Variants in FBXL13 observed in about 807,000 individuals in gnomAD.
FBXL13 encodes F-box and leucine-rich repeat protein 13.
A neutral mutation model predicts 83.6 loss-of-function variants in FBXL13; 67 were observed. The observed-to-expected ratio is 0.80, with a 90% CI of 0.66 to 0.98. FBXL13 has a LOEUF of 0.98. FBXL13 is among the 50% of genes least tolerant of loss of function. FBXL13 has a pLI of 0.00. For missense variants in FBXL13, 822 were observed against 866.5 expected (o/e 0.95, Z 0.64); for synonymous variants, 272 against 299.5 (o/e 0.91, Z 0.95).
intron 16 of FBXL13, among the ~76,000 whole-genome samples, chr7:102,866,497 T>C (rs1196076683): frequency 6.6e-6 from 1 of 152,202 alleles, no homozygotes; most frequent in African/African-American, 2.4e-5. Flanking sequence ...TGTTATGTGC[T>C]TTTTGAAAAT....
At chr7:102,937,807 T>A (rs1312828586) in intron 8 of FBXL13, among the ~76,000 whole-genome samples, 2 of 152,166 alleles carry the variant, frequency 1.3e-5, no homozygotes, top group Non-Finnish European at 2.9e-5. Flanking sequence ...AAGTTAAAAA[T>A]CATGGCTAGA....
intron 2 of FBXL13, among the ~76,000 whole-genome samples, chr7:103,046,513 T>C (rs1796297341): frequency 6.6e-6 from 1 of 152,218 alleles, no homozygotes; most frequent in South Asian, 2.1e-4. Flanking sequence ...TGAGGCGACA[T>C]ATATACCATT....
chr7:103,043,191 A>AT (rs1348895010), intron 2 of FBXL13, among the ~76,000 whole-genome samples: 5 of 152,238 alleles, frequency 3.3e-5, no homozygotes, highest in African/African-American at 1.2e-4. Flanking sequence ...AAAAGAAGAC[A>AT]TTTATGCAGC....
intron 2 of FBXL13, among the ~76,000 whole-genome samples, chr7:103,051,557 C>G (rs1796817974): frequency 6.6e-6 from 1 of 152,164 alleles, no homozygotes; most frequent in Non-Finnish European, 1.5e-5. Flanking sequence ...GTTCACTCAA[C>G]GCTCCTGGGG....
chr7:102,926,616 T>C (rs1818191827), intron 9 of FBXL13, among the ~76,000 whole-genome samples: 1 of 152,200 alleles, frequency 6.6e-6, no homozygotes, highest in Admixed American at 6.5e-5. Context: ...TCCATCACAA[T>C]GACACTTCAT....
At chr7:102,913,020 G>T in intron 11 of FBXL13, 66 bp downstream of exon 12, 2 of 1,607,456 alleles carry the variant, frequency 1.2e-6, no homozygotes. Context: ...CGTGAGGGCT[G>T]AATGCAGCCC....
intron 2 of FBXL13, among the ~76,000 whole-genome samples, chr7:103,047,546 TTTAA>T (rs1238225228): frequency 1.3e-5 from 2 of 152,208 alleles, no homozygotes; most frequent in Non-Finnish European, 2.9e-5. Flanking sequence ...TTTCTTGGTA[TTTAA>T]TTAATTTTTT....
chr7:102,953,647 T>C (rs1243729236), intron 8 of FBXL13, among the ~76,000 whole-genome samples: 2 of 152,220 alleles, frequency 1.3e-5, no homozygotes, highest in Non-Finnish European at 2.9e-5. Context: ...CACTGAATTG[T>C]ACTCTTTAAA....
At chr7:103,059,523 A>G (rs1797653915) in intron 1 of FBXL13, among the ~76,000 whole-genome samples, 1 of 152,212 alleles carries the variant, frequency 6.6e-6, no homozygotes, top group Admixed American at 6.5e-5. Context: ...TTGACTCTCA[A>G]AAACATTAAT....
chr7:102,842,850 C>A (rs997697491), intron 17 of FBXL13, among the ~76,000 whole-genome samples: 1 of 152,228 alleles, frequency 6.6e-6, no homozygotes, highest in Non-Finnish European at 1.5e-5. Context: ...TCAGTTTCTA[C>A]TTAGACTATG....
intron 16 of FBXL13, among the ~76,000 whole-genome samples, chr7:102,864,206 T>C (rs1354612192): frequency 6.6e-6 from 1 of 152,152 alleles, no homozygotes; most frequent in Non-Finnish European, 1.5e-5. Context: ...ATCCCCTCTC[T>C]TCTCTGGCCA....
At chr7:102,844,411 T>C (rs1311621673) in intron 17 of FBXL13, among the ~76,000 whole-genome samples, 1 of 152,074 alleles carries the variant, frequency 6.6e-6, no homozygotes, top group Non-Finnish European at 1.5e-5. Context: ...TTCAAATTAC[T>C]TGTAGGTAGA....
chr7:103,048,415 T>G (rs1796493978), intron 2 of FBXL13, among the ~76,000 whole-genome samples: 2 of 150,408 alleles, frequency 1.3e-5, no homozygotes, highest in Admixed American at 1.3e-4. Context: ...TTTTTTTTGA[T>G]AGTGTATTTA....
exon 6 of FBXL13, chr7:103,025,112 T>C: frequency 6.2e-7 from 1 of 1,612,720 alleles, no homozygotes; most frequent in Non-Finnish European, 8.5e-7. Context: ...TTTTAGAGTC[T>C]CATCTACAAG....
intron 6 of FBXL13, among the ~76,000 whole-genome samples, chr7:103,000,140 T>A (rs1790240894): frequency 6.6e-6 from 1 of 152,318 alleles, no homozygotes; most frequent in East Asian, 1.9e-4. Flanking sequence ...AAAATTTTCA[T>A]CTTAATTTCT....
intron 6 of FBXL13, among the ~76,000 whole-genome samples, chr7:102,979,937 A>G (rs1827977869): frequency 6.6e-6 from 1 of 152,236 alleles, no homozygotes; most frequent in African/African-American, 2.4e-5. Context: ...TCTGCCTCTG[A>G]ATAAACACCA....
At chr7:102,977,307 TGCG>T (rs780174695) in intron 6 of FBXL13, among the ~76,000 whole-genome samples, 9 of 152,244 alleles carry the variant, frequency 5.9e-5, no homozygotes, top group Non-Finnish European at 1.3e-4. Flanking sequence ...AAAACAAATG[TGCG>T]TGGCAATTTA....
intron 8 of FBXL13, among the ~76,000 whole-genome samples, chr7:102,950,064 C>T (rs1823172470): frequency 6.6e-6 from 1 of 151,938 alleles, no homozygotes; most frequent in Non-Finnish European, 1.5e-5. Flanking sequence ...AAGATTGTAC[C>T]ACTATATTCC....
chr7:102,931,519 C>T (rs892823758), intron 9 of FBXL13, among the ~76,000 whole-genome samples: 4 of 152,220 alleles, frequency 2.6e-5, no homozygotes, highest in Admixed American at 6.5e-5. Flanking sequence ...GAAACATATT[C>T]ATTTCCATCT....
Sources: gnomAD v4.1 joint callset for allele counts (sites outside exome capture counted in the v4.1 genomes callset) on GRCh38, gnomAD v4.1.1 for gene constraint, MANE v1.5 for transcripts, NCBI Gene and HGNC (gene_info 2026-07-23, HGNC 2026-07-21) for gene names.